Variants in ARHGAP19 observed in about 807,000 individuals in gnomAD.
ARHGAP19 encodes the protein rho GTPase-activating protein 19.
A neutral mutation model predicts 60.9 loss-of-function variants in ARHGAP19; 48 were observed. The observed-to-expected ratio is 0.79, with a 90% CI of 0.62 to 1.00. The LOEUF is 1.00. Ranked by LOEUF, ARHGAP19 falls within the 50% of genes least tolerant of loss-of-function variation. ARHGAP19 has a pLI of 0.00. For missense variants in ARHGAP19, 562 were observed against 597.2 expected (o/e 0.94, Z 0.61); for synonymous variants, 209 against 215.5 (o/e 0.97, Z 0.27).
rs767306060 is a variant in ARHGAP19, at chr10:97,229,160, T to A, written c.1461A>T (p.Lys487Asn). The part of the protein sequence containing the change: ...PTRLKWSEGK[K>N]EGKKGFL ...TACAATTAGTACCTTTTTTCCCCTC[T>A]TTCTTCCCTTCAGACCACTTCAATC... The change falls in exon 11 of 12, where the codon AAA becomes AAT. Residue 487 changes from lysine (K) to asparagine (N), a missense_variant. Lys to Asn is a moderately conservative substitution (Grantham distance 94). Coordinates refer to ENST00000358531, the MANE Select transcript of ARHGAP19 (RefSeq NM_032900.6). 6.2e-7 allele frequency: 1 copy of A among 1,614,028 alleles called. No homozygotes were observed. Among genetic ancestry groups the A allele is most frequent in the Admixed American group, 1.7e-5 (1 of 60,020 alleles).
intron 6 of ARHGAP19, among the ~76,000 whole-genome samples, chr10:97,246,938 G>A (rs1248290692): frequency 1.3e-5 from 2 of 152,120 alleles, no homozygotes; most frequent in African/African-American, 2.4e-5. Context: ...AGGAGTTCGA[G>A]ACCAGCCTGA....
rs1850862069 is a variant in ARHGAP19, at chr10:97,224,626, C to A, written c.*1496G>T. On this transcript the variant is annotated 3_prime_UTR_variant, in exon 12 of 12. Coordinates refer to ENST00000358531, the MANE Select transcript of ARHGAP19 (RefSeq NM_032900.6). The stretch of plus-strand genomic sequence containing the variant: ...ATCTTTCATTTCAGCAATGGTGCAG[C>A]ATATTCAACAGTTTAGAAATAGGTC... 6.6e-6 allele frequency: 1 copy of A among 152,252 alleles called. No individual in the cohort carries two copies. The highest frequency in any genetic ancestry group is 2.1e-4 in the South Asian group (1 of 4,834). 9.4% of individuals were successfully genotyped at this position (152,252 alleles called of 1,614,324 possible).
At chr10:97,289,328 C>T (rs1758540499) in intron 1 of ARHGAP19, among the ~76,000 whole-genome samples, 1 of 151,842 alleles carries the variant, frequency 6.6e-6, no homozygotes, top group Non-Finnish European at 1.5e-5. Context: ...GTTCCCCAGG[C>T]TGATCTGGAA....
At chr10:97,267,607 G>C (rs947940667) in intron 1 of ARHGAP19, among the ~76,000 whole-genome samples, 1 of 152,144 alleles carries the variant, frequency 6.6e-6, no homozygotes, top group Non-Finnish European at 1.5e-5. Context: ...CCTCTGCCTT[G>C]AGGCATTTCC....
chr10:97,248,520 G>T (rs1005731740), intron 6 of ARHGAP19, among the ~76,000 whole-genome samples: 1 of 152,148 alleles, frequency 6.6e-6, no homozygotes, highest in Non-Finnish European at 1.5e-5. Context: ...TGAATTGGTG[G>T]TATTAATATG....
chr10:97,254,712 G>C (rs1842730867), intron 6 of ARHGAP19, among the ~76,000 whole-genome samples: 1 of 152,076 alleles, frequency 6.6e-6, no homozygotes, highest in African/African-American at 2.4e-5. Flanking sequence ...TTTTAAATTT[G>C]CACATCAAAA....
In ARHGAP19 at chr10:97,292,633, T is replaced by C; in HGVS notation, c.-6A>G. 5 of 1,614,204 alleles carry C rather than the reference T, an allele frequency of 3.1e-6. No homozygotes were observed. Among genetic ancestry groups the C allele is most frequent in the Non-Finnish European group, 4.2e-6 (5 of 1,180,030 alleles). ...CTCTGTGCCTCAGTCGCCATCTTCGTCAGCAAACTTCTTTCACCGCCCCAC... is the reference window on the plus strand; with the variant it reads ...CTCTGTGCCTCAGTCGCCATCTTCGCCAGCAAACTTCTTTCACCGCCCCAC... On this transcript the variant is annotated 5_prime_UTR_variant, in exon 1 of 12. Coordinates refer to ENST00000358531, the MANE Select transcript of ARHGAP19 (RefSeq NM_032900.6).
intron 8 of ARHGAP19, among the ~76,000 whole-genome samples, chr10:97,242,419 C>T (rs1232489849): frequency 6.7e-6 from 1 of 149,910 alleles, no homozygotes; most frequent in African/African-American, 2.5e-5. Context: ...CCGCAACCTC[C>T]ACCTCCCGGG....
intron 2 of ARHGAP19, 167 bp downstream of exon 2, chr10:97,265,693 T>C: frequency 1.4e-6 from 1 of 715,948 alleles, no homozygotes; most frequent in Non-Finnish European, 2.2e-6. Context: ...AGACAGTTTT[T>C]ATAATTTGTA....
chr10:97,289,298 T>C (rs1005239655), intron 1 of ARHGAP19, among the ~76,000 whole-genome samples: 3 of 151,812 alleles, frequency 2.0e-5, no homozygotes, highest in Non-Finnish European at 4.4e-5. Flanking sequence ...GTATTTTTCA[T>C]TGAGATGGGG....
intron 4 of ARHGAP19, among the ~76,000 whole-genome samples, chr10:97,260,736 C>T (rs555467922): frequency 1.3e-5 from 2 of 151,868 alleles, no homozygotes; most frequent in Admixed American, 6.6e-5. Context: ...GGCAGTTCCT[C>T]AAAAAATGAG....
Position 97,267,059 on chromosome 10 carries a change from T to G in ARHGAP19, c.57-934A>C, listed in dbSNP as rs571377652. Among the ~76,000 whole-genome samples, 4 of 152,330 alleles carry G rather than the reference T, an allele frequency of 2.6e-5. No homozygotes were observed. The South Asian group carries it at 8.3e-4, about 32-fold the overall frequency. On this transcript the variant is annotated intron_variant, in intron 1 of 11. Coordinates refer to ENST00000358531, the MANE Select transcript of ARHGAP19 (RefSeq NM_032900.6). ...CAAAAGTCCACAGTCCAAAGTCTCA[T>G]CAGGGACAAGGCAAGTCCCTTCTGC...
At chr10:97,241,359 C>A (rs539112334) in intron 8 of ARHGAP19, among the ~76,000 whole-genome samples, 1 of 151,984 alleles carries the variant, frequency 6.6e-6, no homozygotes, top group South Asian at 2.1e-4. Flanking sequence ...CATCTACACT[C>A]CAGCCTGGGC....
intron 1 of ARHGAP19, among the ~76,000 whole-genome samples, chr10:97,271,946 T>C (rs950387585): frequency 3.3e-4 from 50 of 152,088 alleles, no homozygotes; most frequent in African/African-American, 1.1e-3. Context: ...ACCTTGCATT[T>C]CTCAAATAAC....
At position 97,223,254 on chromosome 10, in the gene ARHGAP19, ATTACCTGCTCCTTTTTTTACGGTTCG is replaced by A. The variant is rs1850838423; in HGVS notation, c.*2842_*2867del. ...TCAACTGTAGTTTTGGTTACGATTC[ATTACCTGCTCCTTTTTTTACGGTTCG>A]TTACCTGCTCCTGTTTTGGCCCTCA... On this transcript the variant is annotated 3_prime_UTR_variant, in exon 12 of 12. Transcript: ENST00000358531. 1 of 152,104 alleles carries A rather than the reference ATTACCTGCTCCTTTTTTTACGGTTCG, an allele frequency of 6.6e-6. No individual in the cohort carries two copies. Among genetic ancestry groups the A allele is most frequent in the Non-Finnish European group, 1.5e-5 (1 of 68,026 alleles). 9.4% of individuals were successfully genotyped at this position (152,104 alleles called of 1,614,324 possible).
rs774211888 is a variant in ARHGAP19 at position 97,259,419 on chromosome 10, C to T, written c.823G>A (p.Val275Ile). ...YNLALMFAPH[V>I]LWPKNVTAND... ...ACACTCACATTTTTTGGCCACAGGA[C>T]ATGGGGTGCAAACATAAGGGCAAGG... The change falls in exon 5 of 12, where the codon GTC (valine) becomes ATC (isoleucine). Residue 275 changes from valine to isoleucine, a missense_variant. Transcript: ENST00000358531. 1.1e-5 allele frequency: 18 copies of T among 1,613,920 alleles called. No homozygotes were observed. The highest frequency in any genetic ancestry group is 3.3e-4 in the Middle Eastern group (2 of 6,084).
At chr10:97,240,051 G>C (rs535120828) in intron 8 of ARHGAP19, among the ~76,000 whole-genome samples, 1 of 151,764 alleles carries the variant, frequency 6.6e-6, no homozygotes, top group Admixed American at 6.6e-5. Context: ...TTAATATTAG[G>C]GGGAATTGGG....
At chr10:97,266,969 C>A (rs916634859) in intron 1 of ARHGAP19, among the ~76,000 whole-genome samples, 1 of 152,164 alleles carries the variant, frequency 6.6e-6, no homozygotes, top group African/African-American at 2.4e-5. Context: ...CATGTCCTCA[C>A]ATTTCAAAAC....
At chr10:97,234,011 A>T (rs1851079801) in intron 9 of ARHGAP19, among the ~76,000 whole-genome samples, 1 of 151,946 alleles carries the variant, frequency 6.6e-6, no homozygotes, top group Admixed American at 6.6e-5. Context: ...TTATGCCTGT[A>T]ATCCCAGCAA....
Sources: allele counts gnomAD v4.1 joint callset (sites outside exome capture counted in the v4.1 genomes callset), GRCh38; gene constraint gnomAD v4.1.1; transcripts MANE v1.5; gene names NCBI Gene and HGNC (gene_info 2026-07-23, HGNC 2026-07-21).